PAG1: variants seen among roughly 807,000 people sequenced by gnomAD.
PAG1 encodes phosphoprotein membrane anchor with glycosphingolipid microdomains 1, also known as phosphoprotein associated with glycosphingolipid-enriched microdomains 1.
A neutral mutation model predicts 31.7 loss-of-function variants in PAG1; 23 were observed. The ratio of observed to expected loss-of-function variants is 0.73; its 90% confidence interval spans 0.52 to 1.03. The LOEUF (loss-of-function observed/expected upper bound fraction) is 1.03, where lower values mean the gene tolerates loss of function less well. Among genes scored for constraint, PAG1 ranks in the 50% least tolerant of loss-of-function variants. The pLI is 0.00. For missense variants in PAG1, 473 were observed against 540.7 expected (o/e 0.87, Z 1.24); for synonymous variants, 214 against 210.3 (o/e 1.02, Z -0.15).
chr8:81,027,076 T>A (rs1036747905), intron 3 of PAG1, among the ~76,000 whole-genome samples: 1 of 152,080 alleles, frequency 6.6e-6, no homozygotes, highest in Non-Finnish European at 1.5e-5. Flanking sequence ...AGTGGTATGA[T>A]CTCAGCTCAC....
rs1473846955 is a variant in PAG1, at chr8:80,969,182, A to G, written c.*7362T>C. On this transcript the variant is annotated 3_prime_UTR_variant, in exon 9 of 9. Coordinates refer to ENST00000220597, the MANE Select transcript of PAG1 (RefSeq NM_018440.4). Reference sequence around the variant, plus strand: ...GCGGGTAGTGGCACATAGGAATTAAATCCTAGCATGGCTCCAGGAAAAACA... The same window carrying G: ...GCGGGTAGTGGCACATAGGAATTAAGTCCTAGCATGGCTCCAGGAAAAACA... 6.6e-6 allele frequency: 1 copy of G among 152,158 alleles called. No homozygotes were observed. The highest frequency in any genetic ancestry group is 2.4e-5 in the African/African-American group (1 of 41,410). 9.4% of individuals were successfully genotyped at this position (152,158 alleles called of 1,614,324 possible). A position where few individuals can be genotyped will look rare whatever the true frequency, so the allele number is the denominator to read the frequency against.
chr8:80,984,943 G>A lies in PAG1; in HGVS notation c.709C>T (p.Arg237Cys), dbSNP rs368958078. Residue 237 changes from arginine to cysteine, a missense_variant, in exon 7 of 9, where the codon CGT becomes TGT. Coordinates refer to ENST00000220597, the MANE Select transcript of PAG1 (RefSeq NM_018440.4). ...YASVDRNKKCRQSVNVESILG... is the reference protein window; with the variant it reads ...YASVDRNKKCCQSVNVESILG... Reference sequence around the variant, plus strand: ...ATACTCTCTACATTAACACTTTGACGACATTTTTTGTTTCTGTCCACCGAG... The same window carrying A: ...ATACTCTCTACATTAACACTTTGACAACATTTTTTGTTTCTGTCCACCGAG... 4.7e-5 allele frequency: 76 copies of A among 1,613,946 alleles called. No homozygotes were observed. The highest frequency in any genetic ancestry group is 5.9e-5 in the Non-Finnish European group (70 of 1,180,008).
chr8:81,015,901 G>A (rs1052261113), intron 3 of PAG1, among the ~76,000 whole-genome samples: 3 of 152,140 alleles, frequency 2.0e-5, no homozygotes, highest in South Asian at 2.1e-4. Context: ...TTAGCTCATG[G>A]AGCTCATTGG....
chr8:81,044,529 T>C (rs889603098), intron 2 of PAG1, among the ~76,000 whole-genome samples: 2 of 152,210 alleles, frequency 1.3e-5, no homozygotes, highest in African/African-American at 2.4e-5. Context: ...CATGGTCCTG[T>C]TGACATCTTG....
intron 1 of PAG1, among the ~76,000 whole-genome samples, chr8:81,078,958 T>A (rs1809220742): frequency 6.6e-6 from 1 of 152,154 alleles, no homozygotes; most frequent in Non-Finnish European, 1.5e-5. Flanking sequence ...CCCACTTCCT[T>A]ATCTTCCATC....
chr8:81,098,184 AC>A (rs1480558803), intron 1 of PAG1, among the ~76,000 whole-genome samples: 1 of 152,224 alleles, frequency 6.6e-6, no homozygotes, highest in Admixed American at 6.5e-5. Flanking sequence ...TCTAAGTACT[AC>A]CAATGGAAAT....
chr8:80,998,506 T>G (rs1807727066), intron 3 of PAG1, among the ~76,000 whole-genome samples: 1 of 152,148 alleles, frequency 6.6e-6, no homozygotes, highest in Non-Finnish European at 1.5e-5. Context: ...TAAGGAAAGC[T>G]GCTCAATTAT....
chr8:81,064,141 C>T lies in PAG1; in HGVS notation c.-175+5971G>A, dbSNP rs117354525. Among the ~76,000 whole-genome samples the T allele has an allele frequency of 1.9e-4, 29 of 152,306 alleles. 1 individual carries two copies. In the East Asian group the frequency reaches 5.6e-3, roughly 29 times the overall value. On this transcript the variant is annotated intron_variant, in intron 2 of 8. Coordinates refer to ENST00000220597, the MANE Select transcript of PAG1 (RefSeq NM_018440.4). ...TGGGGAGCCAAGAGGACCTCTAAAG[C>T]AGTGGTCCCCAACCATTCTGGCACC...
rs186678559 is a variant in PAG1 at position 80,971,515 on chromosome 8, G to A, written c.*5029C>T. ...CTGCCAATGTAACATACAGACATCT[G>A]AGAAATGACAATTATCAACCTTTGT... On this transcript the variant is annotated 3_prime_UTR_variant, in exon 9 of 9. Coordinates refer to ENST00000220597, the MANE Select transcript of PAG1 (RefSeq NM_018440.4). 2.0e-4 allele frequency: 30 copies of A among 152,216 alleles called. No individual in the cohort carries two copies. The highest frequency in any genetic ancestry group is 6.8e-3 in the Middle Eastern group (2 of 294). The allele number at this position is 152,216 out of a possible 1,614,324, so 9.4% of individuals were successfully genotyped here. A position where few individuals can be genotyped will look rare whatever the true frequency, so the allele number is the denominator to read the frequency against.
rs772509924 is a variant in PAG1 at position 81,050,217 on chromosome 8, A to G, written c.-175+19895T>C. 2.0e-5 allele frequency among the ~76,000 whole-genome samples: 3 copies of G among 152,230 alleles called. No individual in the cohort carries two copies. In the East Asian group the frequency reaches 5.8e-4, roughly 29 times the overall value. On this transcript the variant is annotated intron_variant, in intron 2 of 8. Transcript: ENST00000220597. ...AATGATAGTGTTGCAATTAAAATTG[A>G]GACTGTAAATTAAAAATATCCTTCA...
chr8:81,010,386 T>C (rs900279442), intron 3 of PAG1, among the ~76,000 whole-genome samples: 1 of 152,240 alleles, frequency 6.6e-6, no homozygotes, highest in Non-Finnish European at 1.5e-5. Context: ...ATTATTTCTA[T>C]GTAGTTTTCT....
At chr8:81,056,556 T>C (rs1180584210) in intron 2 of PAG1, among the ~76,000 whole-genome samples, 1 of 152,176 alleles carries the variant, frequency 6.6e-6, no homozygotes, top group East Asian at 1.9e-4. Flanking sequence ...TTACACCTTA[T>C]ATAAAAATTA....
At chr8:81,012,647 AT>A (rs1269556949) in intron 3 of PAG1, among the ~76,000 whole-genome samples, 1 of 152,260 alleles carries the variant, frequency 6.6e-6, no homozygotes, top group East Asian at 1.9e-4. Context: ...TTTATAATTT[AT>A]AATTGAATTT....
intron 7 of PAG1, 54 bp from the exon 8 acceptor site, chr8:80,980,548 T>G: frequency 2.7e-6 from 3 of 1,128,362 alleles, no homozygotes; most frequent in Non-Finnish European, 4.0e-6. Context: ...CAATCTAACC[T>G]TTCTTTTGCA....
At chr8:81,004,901 G>A (rs1807848380) in intron 3 of PAG1, among the ~76,000 whole-genome samples, 2 of 152,336 alleles carry the variant, frequency 1.3e-5, no homozygotes, top group African/African-American at 4.8e-5. Flanking sequence ...ACCACAGCCA[G>A]GGCCAGCCGG....
At chr8:80,996,770 TG>T (rs1320745841) in intron 3 of PAG1, among the ~76,000 whole-genome samples, 3 of 152,168 alleles carry the variant, frequency 2.0e-5, no homozygotes, top group Non-Finnish European at 4.4e-5. Context: ...ATGCAGTGCT[TG>T]GGGGTCCTCG....
chr8:81,061,864 A>G (rs1436632444), intron 2 of PAG1, among the ~76,000 whole-genome samples: 2 of 152,168 alleles, frequency 1.3e-5, no homozygotes, highest in African/African-American at 4.8e-5. Flanking sequence ...GAATGACAAG[A>G]AGGAGCCATC....
chr8:80,990,877 A>G lies in PAG1; in HGVS notation c.177+602T>C, dbSNP rs1443276249. ...TATGGTCTCATTTGGAAATAGGGTCATTGCAGACGAAGCTAGTTAATATGA... is the reference window on the plus strand; with the variant it reads ...TATGGTCTCATTTGGAAATAGGGTCGTTGCAGACGAAGCTAGTTAATATGA... On this transcript the variant is annotated intron_variant, in intron 5 of 8. Transcript: ENST00000220597. The surrounding 1 kb of genome is among the most constrained non-coding windows in gnomAD (Gnocchi z 5.1). Among the ~76,000 whole-genome samples the G allele has an allele frequency of 3.3e-5, 5 of 152,214 alleles. No homozygotes were observed. In the East Asian group the frequency reaches 9.6e-4, roughly 29 times the overall value.
chr8:80,970,985 G>A lies in PAG1; in HGVS notation c.*5559C>T, dbSNP rs1807065751. 1 of 152,762 alleles carries A rather than the reference G, an allele frequency of 6.5e-6. No individual in the cohort carries two copies. The highest frequency in any genetic ancestry group is 2.1e-4 in the South Asian group (1 of 4,832). The allele number at this position is 152,762 out of a possible 1,614,324, so 9.5% of individuals were successfully genotyped here. ...CCACACAAAGCGATAGGCCAGCTAAGTACCAGGAGACAAACTGAGGTGGGA... is the reference window on the plus strand; with the variant it reads ...CCACACAAAGCGATAGGCCAGCTAAATACCAGGAGACAAACTGAGGTGGGA... On this transcript the variant is annotated 3_prime_UTR_variant, in exon 9 of 9. Coordinates refer to ENST00000220597, the MANE Select transcript of PAG1 (RefSeq NM_018440.4).
Sources: allele counts gnomAD v4.1 joint callset (sites outside exome capture counted in the v4.1 genomes callset), GRCh38; gene constraint gnomAD v4.1.1; non-coding constraint Gnocchi (gnomAD v3.1); transcripts MANE v1.5; gene names NCBI Gene and HGNC (gene_info 2026-07-23, HGNC 2026-07-21).